The following PDZD2 variants were observed in gnomAD, a reference collection of about 807,000 sequenced individuals.
The protein encoded by PDZD2 is PDZ domain containing 2, also known as PDZ domain-containing protein 2.
A neutral mutation model predicts 220.7 loss-of-function variants in PDZD2; 90 were observed. That is an observed-to-expected ratio of 0.41 (90% CI 0.34 to 0.49). The LOEUF is 0.49. Ranked by LOEUF, PDZD2 falls within the 20% of genes least tolerant of loss-of-function variation. The pLI, the probability that PDZD2 is intolerant of heterozygous loss-of-function variation, is 0.28. For synonymous variants in PDZD2, 1,375 were observed against 1,450.5 expected, an observed-to-expected ratio of 0.95 and a Z score of 1.18; for missense variants, 3,174 against 3,608.5, an observed-to-expected ratio of 0.88 and a Z score of 3.08.
chr5:31,648,476 C>T (rs1218670048), intron 1 of PDZD2, among the ~76,000 whole-genome samples: 1 of 152,114 alleles, frequency 6.6e-6, no homozygotes, highest in African/African-American at 2.4e-5. Flanking sequence ...GTATCCAAAT[C>T]CAGGAATAAG....
rs1448694210 is a variant in PDZD2, at chr5:31,798,910, GAC to G, written c.-334_-333del. 3.3e-6 allele frequency: 1 copy of G among 304,038 alleles called. No individual in the cohort carries two copies. Among genetic ancestry groups the G allele is most frequent in the Non-Finnish European group, 6.1e-6 (1 of 164,030 alleles). 18.8% of individuals were successfully genotyped at this position (304,038 alleles called of 1,614,324 possible). A position where few individuals can be genotyped will look rare whatever the true frequency, so the allele number is the denominator to read the frequency against. On this transcript the variant is annotated 5_prime_UTR_variant, in exon 2 of 25. The change abolishes the stop of an existing upstream ORF in the 5' untranslated region. Coordinates refer to ENST00000438447, the MANE Select transcript of PDZD2 (RefSeq NM_178140.4). ...CCAGGTGTGAATGAGCCCAGGGAAGGACACACGGCCACTGCTGGAGGGATCCT... is the reference window on the plus strand; with the variant it reads ...CCAGGTGTGAATGAGCCCAGGGAAGGACACGGCCACTGCTGGAGGGATCCT...
intron 2 of PDZD2, among the ~76,000 whole-genome samples, chr5:31,886,212 T>A (rs968581514): frequency 1.3e-5 from 2 of 152,204 alleles, no homozygotes; most frequent in African/African-American, 4.8e-5. Flanking sequence ...GTCTATACAG[T>A]TTGAATAACA....
intron 2 of PDZD2, among the ~76,000 whole-genome samples, chr5:31,826,632 C>T (rs1006098123): frequency 4.0e-5 from 6 of 151,024 alleles, no homozygotes; most frequent in South Asian, 2.1e-4. Context: ...GCCGAGATCA[C>T]GCCACTGCAC....
chr5:31,965,019 GCCAGTTTTTT>G (rs1368111680), intron 2 of PDZD2, among the ~76,000 whole-genome samples: 2 of 152,186 alleles, frequency 1.3e-5, no homozygotes, highest in Non-Finnish European at 2.9e-5. Flanking sequence ...ACCGCGCCCG[GCCAGTTTTTT>G]TGCCATTTTA....
chr5:32,080,038 T>C (rs761259716), intron 19 of PDZD2, among the ~76,000 whole-genome samples: 12 of 151,944 alleles, frequency 7.9e-5, no homozygotes, highest in Non-Finnish European at 1.8e-4. Context: ...TTGACTTTAC[T>C]GCAAAGAGTG....
At chr5:32,023,191 T>C (rs1398698792) in intron 6 of PDZD2, among the ~76,000 whole-genome samples, 1 of 152,098 alleles carries the variant, frequency 6.6e-6, no homozygotes, top group African/African-American at 2.4e-5. Flanking sequence ...TTTGAATGGG[T>C]TTCTATTTGC....
rs546609201 is a variant in PDZD2 at position 31,801,369 on chromosome 5, C to T, written c.476+1645C>T. Among the ~76,000 whole-genome samples, 87 of 114,742 alleles carry T rather than the reference C, an allele frequency of 7.6e-4. 1 individual carries two copies. The South Asian group carries it at 0.01, about 14-fold the overall frequency. The allele number at this position is 114,742 out of a possible 152,430, so 75.3% of individuals were successfully genotyped here. On this transcript the variant is annotated intron_variant, in intron 2 of 24. Transcript: ENST00000438447. ...GAGATTGTTCTCAGAAAAGGAGCAA[C>T]GCTGACCACCACCAGGCTCAAGATG...
intron 7 of PDZD2, among the ~76,000 whole-genome samples, chr5:32,045,355 A>C (rs1001962898): frequency 2.6e-5 from 4 of 151,550 alleles, no homozygotes; most frequent in Non-Finnish European, 5.9e-5. Context: ...CTTTTTTGTC[A>C]GCAGAGTTTC....
intron 1 of PDZD2, among the ~76,000 whole-genome samples, chr5:31,775,588 T>C (rs1580730273): frequency 1.3e-5 from 2 of 152,056 alleles, no homozygotes; most frequent in East Asian, 3.9e-4. Context: ...CATAATCAGA[T>C]CCATGTTTTC....
intron 2 of PDZD2, among the ~76,000 whole-genome samples, chr5:31,901,530 C>T (rs1171094197): frequency 6.6e-6 from 1 of 152,096 alleles, no homozygotes; most frequent in East Asian, 1.9e-4. Flanking sequence ...TTTTCAGTAC[C>T]TTTGTGAGGG....
intron 2 of PDZD2, among the ~76,000 whole-genome samples, chr5:31,845,117 G>A (rs898321874): frequency 1.3e-5 from 2 of 152,266 alleles, no homozygotes; most frequent in East Asian, 1.9e-4. Context: ...GTAAGCAATC[G>A]GACTATCAAA....
intron 1 of PDZD2, among the ~76,000 whole-genome samples, chr5:31,737,884 T>C (rs1230593587): frequency 6.6e-6 from 1 of 152,228 alleles, no homozygotes; most frequent in Non-Finnish European, 1.5e-5. Flanking sequence ...ATTTCATTAA[T>C]TCTCATAAGA....
intron 2 of PDZD2, among the ~76,000 whole-genome samples, chr5:31,941,768 G>A (rs1208408168): frequency 6.6e-5 from 10 of 152,142 alleles, no homozygotes; most frequent in Admixed American, 6.5e-4. Context: ...CATTTGTAAC[G>A]AGTTTGTTAG....
intron 2 of PDZD2, among the ~76,000 whole-genome samples, chr5:31,853,045 A>C (rs1008516361): frequency 1.1e-4 from 17 of 152,252 alleles, no homozygotes; most frequent in African/African-American, 2.4e-5. Flanking sequence ...AATTATTATT[A>C]GAAAATTATT....
chr5:31,779,185 G>A (rs565704230), intron 1 of PDZD2, among the ~76,000 whole-genome samples: 10 of 151,798 alleles, frequency 6.6e-5, no homozygotes, highest in Non-Finnish European at 1.0e-4. Context: ...CACACACCCT[G>A]CACTGCGCAC....
chr5:32,094,714 GATTAAATTTAAAAA>G (rs1561583627), intron 21 of PDZD2, among the ~76,000 whole-genome samples: 3 of 149,530 alleles, frequency 2.0e-5, no homozygotes, highest in African/African-American at 7.4e-5. Context: ...AAAAAAAAAA[GATTAAATTTAAAAA>G]ATTAGCCAGG....
At chr5:31,912,056 A>G (rs1743255091) in intron 2 of PDZD2, among the ~76,000 whole-genome samples, 1 of 152,082 alleles carries the variant, frequency 6.6e-6, no homozygotes, top group African/African-American at 2.4e-5. Flanking sequence ...CCCCAGCCCC[A>G]GCCCCAGCCT....
intron 2 of PDZD2, among the ~76,000 whole-genome samples, chr5:31,934,469 CTTT>C (rs1745551479): frequency 6.6e-6 from 1 of 152,062 alleles, no homozygotes; most frequent in South Asian, 2.1e-4. Context: ...TTTCTGTCTT[CTTT>C]ATCTCATCAG....
chr5:31,880,823 T>G (rs1293380267), intron 2 of PDZD2, among the ~76,000 whole-genome samples: 1 of 136,164 alleles, frequency 7.3e-6, no homozygotes, highest in African/African-American at 2.9e-5. Flanking sequence ...TTTTTTGAGA[T>G]GAAGTCTCGC....
Sources: gnomAD v4.1 joint callset for allele counts (sites outside exome capture counted in the v4.1 genomes callset) on GRCh38, gnomAD v4.1.1 for gene constraint, MANE v1.5 for transcripts, NCBI Gene and HGNC (gene_info 2026-07-23, HGNC 2026-07-21) for gene names.